METTL4: variants seen among roughly 807,000 people sequenced by gnomAD.
METTL4 encodes N(6)-adenine-specific methyltransferase METTL4.
In METTL4, 40 loss-of-function variants were observed where a neutral mutation model predicts 54.0. The observed-to-expected ratio is 0.74, with a 90% confidence interval of 0.58 to 0.96. The LOEUF (loss-of-function observed/expected upper bound fraction) is 0.96, where lower values mean the gene tolerates loss of function less well. METTL4 is among the 50% of genes least tolerant of loss of function. The pLI is 0.00. For missense variants in METTL4, 525 were observed against 549.0 expected (o/e 0.96, Z 0.44); for synonymous variants, 169 against 183.8 (o/e 0.92, Z 0.65).
intron 3 of METTL4, among the ~76,000 whole-genome samples, chr18:2,557,364 G>A (rs1170945330): frequency 1.3e-5 from 2 of 152,134 alleles, no homozygotes; most frequent in African/African-American, 2.4e-5. Context: ...CAAGAATAGT[G>A]CCTGTTTCCA....
intron 3 of METTL4, chr18:2,562,321 C>G (rs1182041082): frequency 6.6e-6 from 1 of 152,282 alleles, no homozygotes; most frequent in African/African-American, 2.4e-5. Flanking sequence ...CACGGTGAGC[C>G]ATGACTGCAC....
chr18:2,566,053 ATAAAT>A (rs749194297), intron 2 of METTL4, among the ~76,000 whole-genome samples: 3,417 of 50,080 alleles, frequency 0.068, 156 homozygotes, highest in Middle Eastern at 0.12. Flanking sequence ...TCTCAAATAA[ATAAAT>A]AAATAAATAA....
At chr18:2,553,469 G>T (rs181605176) in intron 4 of METTL4, 1 of 152,184 alleles carries the variant, frequency 6.6e-6, no homozygotes, top group African/African-American at 2.4e-5. Flanking sequence ...GGATGTTAAA[G>T]AGTCTTTGGT....
chr18:2,539,930 G>A, intron 8 of METTL4: 2 of 964,472 alleles, frequency 2.1e-6, no homozygotes, highest in Non-Finnish European at 2.5e-6. Flanking sequence ...GATAGAGATA[G>A]AAATACTGAG....
intron 5 of METTL4, among the ~76,000 whole-genome samples, chr18:2,549,234 T>G (rs2072116269): frequency 6.6e-6 from 1 of 152,214 alleles, no homozygotes. Context: ...CCGGTTGTAT[T>G]CTCTTAGTCC....
chr18:2,552,893 G>T lies in METTL4; in HGVS notation c.830-129C>A, dbSNP rs11080958. On this transcript the variant is annotated intron_variant, in intron 4 of 8. Transcript: ENST00000574538. ...ATAATGGAATGCACCAAAGGGATCT[G>T]TATATAGCATTTATTCAAACAGAGT... The T allele has an allele frequency of 5.0e-6, 3 of 602,554 alleles. No homozygotes were observed. The East Asian group carries it at 8.4e-5, about 17-fold the overall frequency. 37.3% of individuals were successfully genotyped at this position (602,554 alleles called of 1,614,324 possible). A position where few individuals can be genotyped will look rare whatever the true frequency, so the allele number is the denominator to read the frequency against.
chr18:2,540,507 A>G, intron 8 of METTL4: 2 of 985,408 alleles, frequency 2.0e-6, no homozygotes, highest in Admixed American at 6.1e-5. Flanking sequence ...TTCATCTGTC[A>G]GAAAGTACTG....
At chr18:2,563,938 CTT>C (rs1339638763) in intron 2 of METTL4, 79 bp from the exon 3 acceptor site, 2 of 837,450 alleles carry the variant, frequency 2.4e-6, no homozygotes, top group African/African-American at 1.7e-5. Flanking sequence ...TTATTTATGT[CTT>C]ATATCTGTCT....
intron 6 of METTL4, among the ~76,000 whole-genome samples, 156 bp from the exon 7 acceptor site, chr18:2,544,915 C>G (rs989532268): frequency 6.7e-6 from 1 of 149,642 alleles, no homozygotes; most frequent in Non-Finnish European, 1.5e-5. Context: ...ATAGAAACAC[C>G]AAAAGAAGTA....
chr18:2,539,193 T>G, intron 8 of METTL4, 48 bp from the exon 9 acceptor site: 117 of 1,353,030 alleles, frequency 8.6e-5, no homozygotes, highest in Middle Eastern at 1.8e-4. Flanking sequence ...GAGGAAGGAA[T>G]CCACTTCCTT....
At chr18:2,541,914 C>T (rs1000423907) in intron 8 of METTL4, among the ~76,000 whole-genome samples, 3 of 152,012 alleles carry the variant, frequency 2.0e-5, no homozygotes, top group Admixed American at 2.0e-4. Context: ...AAATATACTG[C>T]AGAAATCTGA....
In METTL4 at chr18:2,539,123, CT is replaced by C. The variant is rs771262803; in HGVS notation, c.1295del (p.Lys432SerfsTer47). On this transcript the variant is annotated frameshift_variant, in exon 9 of 9. Coordinates refer to ENST00000574538, the MANE Select transcript of METTL4 (RefSeq NM_022840.5). LOFTEE classifies it high-confidence loss of function. ...PLAEVLKDYIKPDGEYLELFA... is the reference protein window; with the variant it reads ...PLAEVLKDYIXPDGEYLELFA... Reference sequence around the variant, plus strand: ...ACAACTCCAAATATTCCCCATCTGGCTTGATGTAGTCTTTTAAAACCTCTGT... The same window carrying C: ...ACAACTCCAAATATTCCCCATCTGGCTGATGTAGTCTTTTAAAACCTCTGT... 8.5e-5 allele frequency: 137 copies of C among 1,613,744 alleles called. No individual in the cohort carries two copies. The highest frequency in any genetic ancestry group is 1.1e-4 in the Non-Finnish European group (135 of 1,179,846).
At chr18:2,548,458 C>CATATTCAATATTCA (rs1401012781) in intron 5 of METTL4, among the ~76,000 whole-genome samples, 2 of 152,194 alleles carry the variant, frequency 1.3e-5, no homozygotes, top group Non-Finnish European at 2.9e-5. Flanking sequence ...TCATCCTCAA[C>CATATTCAATATTCA]ATATTCAATA....
Position 2,538,799 on chromosome 18 carries a change from C to T in METTL4, c.*201G>A. On this transcript the variant is annotated 3_prime_UTR_variant, in exon 9 of 9. Transcript: ENST00000574538. ...ACTTAATTTGTATAGTCTAGAATAA[C>T]ATAGAATGTTAGTGCAACTCAAGTA... 1 of 572,842 alleles carries T rather than the reference C, an allele frequency of 1.7e-6. No homozygotes were observed. Among genetic ancestry groups the T allele is most frequent in the Non-Finnish European group, 3.1e-6 (1 of 326,480 alleles). 35.5% of individuals were successfully genotyped at this position (572,842 alleles called of 1,614,324 possible).
At position 2,565,873 on chromosome 18, in the gene METTL4, C is replaced by T. The variant is rs77565885; in HGVS notation, c.396+948G>A. ...CACCCTGGCTTAACACAGTGAAGCC[C>T]CGTCTCTACTAAAAATACAAAAAAT... On this transcript the variant is annotated intron_variant, in intron 2 of 8. Transcript: ENST00000574538. Among the ~76,000 whole-genome samples the T allele has an allele frequency of 4.6e-3, 693 of 152,020 alleles. 22 individuals carry two copies. In the East Asian group the frequency reaches 0.088, roughly 19 times the overall value.
chr18:2,560,853 G>A (rs1464382539), intron 3 of METTL4, among the ~76,000 whole-genome samples: 1 of 152,126 alleles, frequency 6.6e-6, no homozygotes, highest in Non-Finnish European at 1.5e-5. Context: ...ACTCCAGCCT[G>A]GGCGACAGAG....
At position 2,544,268 on chromosome 18, in the gene METTL4, C is replaced by T. The variant is rs772718791; in HGVS notation, c.1200G>A (p.Val400=). ...ALPLRNADVN[V]LPIPDHKLIV... ...TTAATTTGTGGTCTGGAATGGGGAG[C>T]ACGTTTACATCTGCATTCCTAATTA... is the stretch of plus-strand genomic sequence containing the variant. Residue 400 remains valine, a synonymous_variant, in exon 8 of 9, where the codon GTG becomes GTA. Coordinates refer to ENST00000574538, the MANE Select transcript of METTL4 (RefSeq NM_022840.5). 3.7e-6 allele frequency: 6 copies of T among 1,612,328 alleles called. No homozygotes were observed. The highest frequency in any genetic ancestry group is 4.2e-6 in the Non-Finnish European group (5 of 1,179,236).
Position 2,539,037 on chromosome 18 carries a change from T to C in METTL4, c.1382A>G (p.His461Arg). The C allele has an allele frequency of 6.2e-7, 1 of 1,614,038 alleles. No individual in the cohort carries two copies. Among genetic ancestry groups the C allele is most frequent in the Non-Finnish European group, 8.5e-7 (1 of 1,179,962 alleles). ...SWGNEVLKFQHVDYFIAVESG... is the reference protein window; with the variant it reads ...SWGNEVLKFQRVDYFIAVESG... ...CTCCACAGCAATAAAATAATCCACATGCTGAAATTTGAGAACTTCATTGCC... is the reference window on the plus strand; with the variant it reads ...CTCCACAGCAATAAAATAATCCACACGCTGAAATTTGAGAACTTCATTGCC... Residue 461 changes from histidine to arginine, a missense_variant, in exon 9 of 9, where the codon CAT becomes CGT. Transcript: ENST00000574538.
At chr18:2,563,923 T>C in intron 2 of METTL4, 64 bp from the exon 3 acceptor site, 1 of 1,022,400 alleles carries the variant, frequency 9.8e-7, no homozygotes, top group Non-Finnish European at 1.5e-6. Flanking sequence ...TTTTTCATTA[T>C]AACATTATTT....
Sources: gnomAD v4.1 joint callset for allele counts (sites outside exome capture counted in the v4.1 genomes callset) on GRCh38, gnomAD v4.1.1 for gene constraint, MANE v1.5 for transcripts, NCBI Gene and HGNC (gene_info 2026-07-23, HGNC 2026-07-21) for gene names.